SGPP2: variants seen among roughly 807,000 people sequenced by gnomAD.
The protein encoded by SGPP2 is sphingosine-1-phosphate phosphatase 2, also known as sphingosine 1-phosphate phosphohydrolase 2.
In SGPP2, 30 loss-of-function variants were observed where a neutral mutation model predicts 33.9. The ratio of observed to expected loss-of-function variants is 0.89; its 90% CI spans 0.66 to 1.20. The LOEUF is 1.20. SGPP2 is among the 50% of genes most tolerant of loss of function. The probability of loss-of-function intolerance (pLI) is 0.00; values close to 1 mark genes in which losing one functional copy is unlikely to be tolerated. For synonymous variants in SGPP2, 233 were observed against 225.0 expected (o/e 1.04, Z -0.32); for missense variants, 458 against 532.1 (o/e 0.86, Z 1.37).
chr2:222,427,746 C>A (rs1697094276), intron 1 of SGPP2, among the ~76,000 whole-genome samples: 1 of 152,222 alleles, frequency 6.6e-6, no homozygotes, highest in Admixed American at 6.5e-5. Flanking sequence ...GATTTACCTT[C>A]TCACCTTTCA....
At chr2:222,469,547 CTT>C (rs1697807450) in intron 1 of SGPP2, among the ~76,000 whole-genome samples, 1 of 152,216 alleles carries the variant, frequency 6.6e-6, no homozygotes, top group South Asian at 2.1e-4. Flanking sequence ...GCCATCAGCT[CTT>C]TTGCTGGCTA....
At chr2:222,459,510 A>G (rs1697626472) in intron 1 of SGPP2, among the ~76,000 whole-genome samples, 1 of 152,088 alleles carries the variant, frequency 6.6e-6, no homozygotes, top group South Asian at 2.1e-4. Context: ...TATTTTAACC[A>G]AAGCAGCCTC....
chr2:222,546,936 C>T lies in SGPP2; in HGVS notation c.649-11411C>T, dbSNP rs74605161. On this transcript the variant is annotated intron_variant, in intron 4 of 4. Transcript: ENST00000321276. ...TGAGGTGAATCCTCTGACCAGGAAC[C>T]TCAGTGTCACCTGGGAGTTTGTCAG... Among the ~76,000 whole-genome samples the T allele has an allele frequency of 3.0e-3, 458 of 152,158 alleles. 2 individuals are homozygous for T. The highest frequency in any genetic ancestry group is 0.01 in the African/African-American group (434 of 41,508).
chr2:222,474,695 A>T lies in SGPP2; in HGVS notation c.347A>T (p.Tyr116Phe). 1 of 1,613,840 alleles carries T rather than the reference A, an allele frequency of 6.2e-7. No individual in the cohort carries two copies. The highest frequency in any genetic ancestry group is 8.5e-7 in the Non-Finnish European group (1 of 1,179,842). ...LPFTHWNIDP[Y>F]LSRRLIIIWV... Reference sequence around the variant, plus strand: ...TTCACTCACTGGAATATTGACCCTTATTTATCCAGAAGATTGATCATCATA... The same window carrying T: ...TTCACTCACTGGAATATTGACCCTTTTTTATCCAGAAGATTGATCATCATA... The change falls in exon 2 of 5, where the codon TAT (tyrosine) becomes TTT (phenylalanine). Residue 116 changes from tyrosine to phenylalanine, a missense_variant. Transcript: ENST00000321276.
chr2:222,502,904 C>A (rs1017322686), intron 2 of SGPP2, among the ~76,000 whole-genome samples: 2 of 152,126 alleles, frequency 1.3e-5, no homozygotes, highest in African/African-American at 4.8e-5. Flanking sequence ...AACACTGCCT[C>A]AATTAGAGAG....
intron 1 of SGPP2, among the ~76,000 whole-genome samples, chr2:222,468,855 A>G (rs895105001): frequency 7.9e-5 from 12 of 152,214 alleles, no homozygotes. Context: ...CAATATCAGC[A>G]AGATAGAGTA....
At chr2:222,483,208 T>C (rs557815912) in intron 2 of SGPP2, among the ~76,000 whole-genome samples, 2 of 152,358 alleles carry the variant, frequency 1.3e-5, no homozygotes, top group South Asian at 4.1e-4. Flanking sequence ...ATCAACTCCA[T>C]TGCTAAATAA....
At chr2:222,433,164 A>G (rs549687597) in intron 1 of SGPP2, among the ~76,000 whole-genome samples, 3 of 152,304 alleles carry the variant, frequency 2.0e-5, no homozygotes, top group Admixed American at 2.0e-4. Context: ...TGGAAAAAGA[A>G]GCTAAGACTT....
intron 2 of SGPP2, among the ~76,000 whole-genome samples, chr2:222,501,211 A>G (rs1269802716): frequency 2.0e-5 from 3 of 152,192 alleles, no homozygotes; most frequent in Admixed American, 1.3e-4. Context: ...CCTGCAGTCC[A>G]GCTAACTGTT....
intron 2 of SGPP2, among the ~76,000 whole-genome samples, chr2:222,494,174 C>G (rs1323652308): frequency 6.6e-6 from 1 of 152,182 alleles, no homozygotes; most frequent in African/African-American, 2.4e-5. Flanking sequence ...TTGGAACACT[C>G]CTTCTATTTT....
At chr2:222,553,993 A>G (rs773276199) in intron 4 of SGPP2, among the ~76,000 whole-genome samples, 5 of 152,238 alleles carry the variant, frequency 3.3e-5, no homozygotes, top group East Asian at 1.9e-4. Flanking sequence ...TATCACACCA[A>G]CCTGTGTAGA....
Position 222,520,189 on chromosome 2 carries a change from AC to A in SGPP2, c.379-1577del, listed in dbSNP as rs1698661847. Among the ~76,000 whole-genome samples, 3 of 152,102 alleles carry A rather than the reference AC, an allele frequency of 2.0e-5. No homozygotes were observed. The South Asian group carries it at 6.2e-4, about 32-fold the overall frequency. On this transcript the variant is annotated intron_variant, in intron 2 of 4. Transcript: ENST00000321276. Reference sequence around the variant, plus strand: ...CCTCACCAGCATCTTTTGTTTTTTGACTTTTTAATAATAGCGATTCTGACTG... The same window carrying A: ...CCTCACCAGCATCTTTTGTTTTTTGATTTTTAATAATAGCGATTCTGACTG...
At chr2:222,548,463 C>T (rs1689238906) in intron 4 of SGPP2, among the ~76,000 whole-genome samples, 1 of 152,130 alleles carries the variant, frequency 6.6e-6, no homozygotes, top group Non-Finnish European at 1.5e-5. Context: ...CAGTCTTTTT[C>T]AAAGTCTTCT....
chr2:222,443,267 G>A lies in SGPP2; in HGVS notation c.219+18446G>A, dbSNP rs114834510. 4.6e-3 allele frequency among the ~76,000 whole-genome samples: 699 copies of A among 152,058 alleles called. 6 individuals carry two copies. The highest frequency in any genetic ancestry group is 0.016 in the African/African-American group (678 of 41,454). ...ATTCATTGAGTACATATTCAGATTT[G>A]TTACATGGGTGTATTGCGTGATGCT... On this transcript the variant is annotated intron_variant, in intron 1 of 4. Coordinates refer to ENST00000321276, the MANE Select transcript of SGPP2 (RefSeq NM_152386.4).
chr2:222,507,154 A>G (rs1019150152), intron 2 of SGPP2, among the ~76,000 whole-genome samples: 3 of 152,190 alleles, frequency 2.0e-5, no homozygotes, highest in Non-Finnish European at 4.4e-5. Context: ...GATTTAGTGA[A>G]GATGATTGGT....
chr2:222,545,949 T>C (rs757810439), intron 4 of SGPP2, among the ~76,000 whole-genome samples: 2 of 152,202 alleles, frequency 1.3e-5, no homozygotes, highest in Non-Finnish European at 2.9e-5. Context: ...TGCACGCTGA[T>C]TGGATACAGC....
chr2:222,471,523 C>T (rs1405803937), intron 1 of SGPP2, among the ~76,000 whole-genome samples: 1 of 152,046 alleles, frequency 6.6e-6, no homozygotes, highest in Non-Finnish European at 1.5e-5. Context: ...TGCTCTTCCC[C>T]CCTCTCCCAT....
At position 222,544,303 on chromosome 2, in the gene SGPP2, C is replaced by T. The variant is rs530591636; in HGVS notation, c.649-14044C>T. ...CTGTACTATGCCTCCAACATGTTCA[C>T]GAATGCATTTAATTGCAAACAATGA... On this transcript the variant is annotated intron_variant, in intron 4 of 4. Coordinates refer to ENST00000321276, the MANE Select transcript of SGPP2 (RefSeq NM_152386.4). 5.3e-5 allele frequency among the ~76,000 whole-genome samples: 8 copies of T among 152,292 alleles called. No homozygotes were observed. In the South Asian group the frequency reaches 1.0e-3, roughly 20 times the overall value.
intron 2 of SGPP2, among the ~76,000 whole-genome samples, chr2:222,516,567 G>GTATATGTTAAGAAACTTA: frequency 6.6e-6 from 1 of 152,268 alleles, no homozygotes; most frequent in East Asian, 1.9e-4. Flanking sequence ...CATATGATAA[G>GTATATGTTAAGAAACTTA]TATATGTTAA....
Sources: allele counts gnomAD v4.1 joint callset (sites outside exome capture counted in the v4.1 genomes callset), GRCh38; gene constraint gnomAD v4.1.1; transcripts MANE v1.5; gene names NCBI Gene and HGNC (gene_info 2026-07-23, HGNC 2026-07-21).